NUBPL: variants seen among roughly 807,000 people sequenced by gnomAD.
NUBPL encodes iron-sulfur cluster transfer protein NUBPL.
Under a neutral mutation model 45.7 loss-of-function variants are expected in NUBPL, and 31 were observed. That is an observed-to-expected ratio of 0.68 (90% CI 0.51 to 0.92). The LOEUF (loss-of-function observed/expected upper bound fraction) is 0.92. Among genes scored for constraint, NUBPL ranks in the 40% least tolerant of loss-of-function variants. The pLI is 0.00. For missense variants in NUBPL, 401 were observed against 398.7 expected (o/e 1.01, Z -0.05); for synonymous variants, 144 against 140.9 (o/e 1.02, Z -0.15).
At chr14:31,753,977 A>G (rs1474672412) in intron 6 of NUBPL, among the ~76,000 whole-genome samples, 1 of 152,208 alleles carries the variant, frequency 6.6e-6, no homozygotes, top group African/African-American at 2.4e-5. Context: ...TCTCTCTACA[A>G]AAAATGGTAA....
intron 6 of NUBPL, among the ~76,000 whole-genome samples, chr14:31,735,711 G>C (rs1420518940): frequency 6.6e-6 from 1 of 152,118 alleles, no homozygotes; most frequent in Non-Finnish European, 1.5e-5. Context: ...AATTAGCCGG[G>C]CGTCGTCGCG....
chr14:31,827,048 G>A (rs1337726641), intron 8 of NUBPL, among the ~76,000 whole-genome samples: 1 of 152,084 alleles, frequency 6.6e-6, no homozygotes, highest in African/African-American at 2.4e-5. Context: ...ATCACTTATG[G>A]GGAAGCGGAT....
chr14:31,668,579 G>A (rs1595465851), intron 4 of NUBPL, among the ~76,000 whole-genome samples: 1 of 152,166 alleles, frequency 6.6e-6, no homozygotes, highest in East Asian at 1.9e-4. Context: ...TGTCACACTG[G>A]GGTTCCAGGT....
rs568106862 is a variant in NUBPL, at chr14:31,728,622, G to T, written c.513+55048G>T. On this transcript the variant is annotated intron_variant, in intron 6 of 10. Transcript: ENST00000281081. ...AATATCAATTTAGAAGGGTCAAAGA[G>T]AAATAAGAACCCCTACTATTGATCA... is the stretch of plus-strand genomic sequence containing the variant. 1.7e-4 allele frequency among the ~76,000 whole-genome samples: 26 copies of T among 152,276 alleles called. No homozygotes were observed. In the South Asian group the frequency reaches 4.8e-3, roughly 28 times the overall value.
intron 7 of NUBPL, among the ~76,000 whole-genome samples, chr14:31,802,251 A>G (rs953607013): frequency 6.7e-6 from 1 of 148,938 alleles, no homozygotes; most frequent in Non-Finnish European, 1.5e-5. Context: ...TCTCCTTAGC[A>G]CACGATTTAC....
intron 3 of NUBPL, among the ~76,000 whole-genome samples, chr14:31,598,216 C>G (rs1440723093): frequency 1.3e-5 from 2 of 152,030 alleles, no homozygotes; most frequent in Non-Finnish European, 2.9e-5. Flanking sequence ...GTTGGAAACA[C>G]AAATGTTAGA....
At chr14:31,710,389 C>T (rs1023413583) in intron 6 of NUBPL, among the ~76,000 whole-genome samples, 4 of 152,172 alleles carry the variant, frequency 2.6e-5, no homozygotes, top group Non-Finnish European at 4.4e-5. Flanking sequence ...AATCCCTGGA[C>T]CCTGCTGATC....
chr14:31,712,537 G>A (rs1322572222), intron 6 of NUBPL, among the ~76,000 whole-genome samples: 1 of 152,246 alleles, frequency 6.6e-6, no homozygotes, highest in Non-Finnish European at 1.5e-5. Flanking sequence ...CCTGCGAGCA[G>A]AGGGAGCCAG....
At chr14:31,613,434 ATAAC>A (rs2034814391) in intron 4 of NUBPL, among the ~76,000 whole-genome samples, 1 of 152,144 alleles carries the variant, frequency 6.6e-6, no homozygotes, top group African/African-American at 2.4e-5. Flanking sequence ...ACATTTAAAA[ATAAC>A]TAAGAGAGTG....
intron 2 of NUBPL, among the ~76,000 whole-genome samples, chr14:31,563,420 G>C (rs1385410216): frequency 6.6e-6 from 1 of 152,196 alleles, no homozygotes; most frequent in African/African-American, 2.4e-5. Flanking sequence ...GTATGAGAAA[G>C]TGTACAACAT....
intron 4 of NUBPL, among the ~76,000 whole-genome samples, chr14:31,640,267 T>A (rs1224124635): frequency 6.6e-6 from 1 of 152,110 alleles, no homozygotes; most frequent in Non-Finnish European, 1.5e-5. Flanking sequence ...CTACTTTACT[T>A]CTTTAATCTT....
intron 3 of NUBPL, among the ~76,000 whole-genome samples, chr14:31,569,228 G>C (rs1024806752): frequency 1.3e-5 from 2 of 151,950 alleles, no homozygotes; most frequent in East Asian, 1.9e-4. Flanking sequence ...TTAAGATCTC[G>C]ATCTGTTGCC....
At chr14:31,785,355 A>T (rs1566560698) in intron 6 of NUBPL, among the ~76,000 whole-genome samples, 1 of 152,228 alleles carries the variant, frequency 6.6e-6, no homozygotes, top group Non-Finnish European at 1.5e-5. Context: ...GCACAGCAAG[A>T]GGTGAACAAT....
intron 7 of NUBPL, among the ~76,000 whole-genome samples, chr14:31,790,547 G>A (rs2039361243): frequency 6.6e-6 from 1 of 152,146 alleles, no homozygotes; most frequent in South Asian, 2.1e-4. Context: ...TGAAACTCTG[G>A]AGCTATTAAA....
intron 6 of NUBPL, among the ~76,000 whole-genome samples, chr14:31,737,450 C>T (rs2038187907): frequency 6.9e-6 from 1 of 145,176 alleles, no homozygotes; most frequent in Admixed American, 7.1e-5. Context: ...TGATAGCTGT[C>T]TCCCTAAGCA....
At chr14:31,793,942 C>G (rs189270927) in intron 7 of NUBPL, among the ~76,000 whole-genome samples, 6,413 of 96,400 alleles carry the variant, frequency 0.067, 262 homozygotes, top group Non-Finnish European at 0.085. Context: ...CATGTGATCT[C>G]ATTGTTCAAT....
chr14:31,620,540 G>A (rs1178726289), intron 4 of NUBPL, among the ~76,000 whole-genome samples: 1 of 152,156 alleles, frequency 6.6e-6, no homozygotes, highest in African/African-American at 2.4e-5. Flanking sequence ...TCAGGCCCCT[G>A]TGCTGCAGGT....
At chr14:31,656,785 T>C (rs958257721) in intron 4 of NUBPL, among the ~76,000 whole-genome samples, 1 of 152,142 alleles carries the variant, frequency 6.6e-6, no homozygotes, top group African/African-American at 2.4e-5. Context: ...ATGTGACATA[T>C]AGAAATGAAG....
At chr14:31,826,815 G>A in intron 8 of NUBPL, 101 bp downstream of exon 8, 1 of 1,041,406 alleles carries the variant, frequency 9.6e-7, no homozygotes. Context: ...GTCCTGTACA[G>A]AAGTCTTTAT....
Sources: allele counts gnomAD v4.1 joint callset (sites outside exome capture counted in the v4.1 genomes callset), GRCh38; gene constraint gnomAD v4.1.1; transcripts MANE v1.5; gene names NCBI Gene and HGNC (gene_info 2026-07-23, HGNC 2026-07-21).